The following RARB variants were observed in gnomAD, a reference collection of about 807,000 sequenced individuals.
The protein encoded by RARB is retinoic acid receptor beta.
A neutral mutation model predicts 51.9 loss-of-function variants in RARB; 17 were observed. That is an observed-to-expected ratio of 0.33 (90% CI 0.22 to 0.49). RARB has a LOEUF of 0.49. RARB is among the 20% of genes least tolerant of loss of function. The pLI, the probability that RARB is intolerant of heterozygous loss-of-function variation, is 0.99. For synonymous variants in RARB, 215 were observed against 195.4 expected (o/e 1.10, Z -0.84); for missense variants, 369 against 550.8 (o/e 0.67, Z 3.30).
At chr3:24,963,471 G>C (rs913014629) in intron 2 of RARB, among the ~76,000 whole-genome samples, 2 of 146,004 alleles carry the variant, frequency 1.4e-5, no homozygotes, top group African/African-American at 5.1e-5. Flanking sequence ...TGCTTGCTTT[G>C]GTCTTACTCT....
intron 4 of RARB, among the ~76,000 whole-genome samples, chr3:25,155,224 C>G (rs2125343310): frequency 6.6e-6 from 1 of 152,140 alleles, no homozygotes; most frequent in East Asian, 1.9e-4. Flanking sequence ...TCTGTTCTGT[C>G]ATGTCTTTTC....
chr3:25,271,023 A>T (rs959533723), intron 5 of RARB, among the ~76,000 whole-genome samples: 15 of 148,450 alleles, frequency 1.0e-4, no homozygotes, highest in African/African-American at 3.6e-4. Context: ...TAAGTACATC[A>T]CTCATTCCAG....
intron 1 of RARB, among the ~76,000 whole-genome samples, chr3:25,457,294 C>G (rs1281947432): frequency 6.6e-6 from 1 of 152,142 alleles, no homozygotes; most frequent in Non-Finnish European, 1.5e-5. Context: ...GGATTATGTA[C>G]TATCATTGCC....
intron 2 of RARB, among the ~76,000 whole-genome samples, chr3:25,058,764 T>G (rs1368172906): frequency 6.6e-6 from 1 of 151,734 alleles, no homozygotes; most frequent in East Asian, 1.9e-4. Context: ...TGTTATTGGA[T>G]TCCATTAAAA....
chr3:25,203,570 T>C (rs950564928), intron 5 of RARB, among the ~76,000 whole-genome samples: 19 of 152,220 alleles, frequency 1.2e-4, no homozygotes, highest in African/African-American at 1.7e-4. Flanking sequence ...TGGCTGGTAC[T>C]GGTTGTTCCT....
At position 25,569,936 on chromosome 3, in the gene RARB, C is replaced by T; in HGVS notation, c.609+18C>T. On this transcript the variant is annotated intron_variant, in intron 4 of 7. Transcript: ENST00000330688. ...ACACCACGGTAAGAGATACTCCTGC[C>T]CCAGGCTGCTGGGAGTGTGGAAACC... 2.5e-6 allele frequency: 4 copies of T among 1,610,282 alleles called. No individual in the cohort carries two copies. The highest frequency in any genetic ancestry group is 3.4e-6 in the Non-Finnish European group (4 of 1,177,978).
At chr3:25,589,502 A>G (rs1701530558) in intron 5 of RARB, among the ~76,000 whole-genome samples, 1 of 152,234 alleles carries the variant, frequency 6.6e-6, no homozygotes, top group African/African-American at 2.4e-5. Flanking sequence ...GAGCAGGAAT[A>G]GAAATGAAGG....
intron 5 of RARB, among the ~76,000 whole-genome samples, chr3:25,240,107 G>A (rs1575246957): frequency 2.0e-5 from 3 of 150,888 alleles, no homozygotes; most frequent in Non-Finnish European, 4.4e-5. Flanking sequence ...CTTGTAAATG[G>A]GATTGCATTC....
At chr3:25,017,630 A>G (rs952884093) in intron 2 of RARB, among the ~76,000 whole-genome samples, 3 of 152,228 alleles carry the variant, frequency 2.0e-5, no homozygotes, top group Admixed American at 2.0e-4. Flanking sequence ...GGAAACAGGA[A>G]GACAGCTTGT....
intron 2 of RARB, among the ~76,000 whole-genome samples, chr3:24,945,955 A>G (rs1018904941): frequency 6.6e-6 from 1 of 152,178 alleles, no homozygotes; most frequent in African/African-American, 2.4e-5. Flanking sequence ...GTCTCAAACT[A>G]TCTTATAGTG....
intron 3 of RARB, among the ~76,000 whole-genome samples, chr3:25,063,108 G>T (rs916905210): frequency 3.9e-5 from 6 of 151,956 alleles, no homozygotes; most frequent in Non-Finnish European, 8.8e-5. Flanking sequence ...CAGTGCTTCA[G>T]TTGTCTGGAG....
At chr3:24,888,668 G>A (rs1391810887) in intron 2 of RARB, among the ~76,000 whole-genome samples, 1 of 152,036 alleles carries the variant, frequency 6.6e-6, no homozygotes, top group Admixed American at 6.6e-5. Context: ...CATAATGTTA[G>A]CTTAGTATTT....
intron 3 of RARB, among the ~76,000 whole-genome samples, 190 bp downstream of exon 3, chr3:25,501,513 A>C (rs1456630491): frequency 1.3e-5 from 2 of 152,208 alleles, no homozygotes; most frequent in Non-Finnish European, 2.9e-5. Context: ...AGTTGGTGGA[A>C]AGGCAGGAGT....
intron 2 of RARB, among the ~76,000 whole-genome samples, chr3:24,895,392 A>G (rs1265882137): frequency 6.6e-6 from 1 of 152,210 alleles, no homozygotes; most frequent in Admixed American, 6.5e-5. Flanking sequence ...GTTAAAACAC[A>G]GACTACTTGG....
chr3:24,980,059 T>C (rs1281930621), intron 2 of RARB, among the ~76,000 whole-genome samples: 3 of 152,196 alleles, frequency 2.0e-5, no homozygotes, highest in African/African-American at 4.8e-5. Flanking sequence ...AAATTCTAGG[T>C]TGAAAATTCT....
intron 2 of RARB, among the ~76,000 whole-genome samples, chr3:24,860,882 C>CA (rs1702737767): frequency 6.6e-6 from 1 of 152,136 alleles, no homozygotes; most frequent in African/African-American, 2.4e-5. Context: ...ATACTAATGA[C>CA]TTAGTATACA....
intron 5 of RARB, among the ~76,000 whole-genome samples, chr3:25,216,583 G>T (rs945980426): frequency 1.6e-4 from 25 of 151,974 alleles, no homozygotes; most frequent in African/African-American, 6.0e-4. Flanking sequence ...GGGCCTATTG[G>T]GGGGTGGGGG....
At position 25,410,372 on chromosome 3, in the gene RARB, C is replaced by T. The variant is rs150887641; in HGVS notation, c.179-50821C>T. On this transcript the variant is annotated intron_variant, in intron 5 of 11. Coordinates refer to the RARB transcript ENST00000383772. ...CTGGCAGCAGAATAAATGTTAGGAACATATTGCCGTGTCCTTTAGTTCTCA... is the reference window on the plus strand; with the variant it reads ...CTGGCAGCAGAATAAATGTTAGGAATATATTGCCGTGTCCTTTAGTTCTCA... 4.4e-3 allele frequency among the ~76,000 whole-genome samples: 672 copies of T among 152,300 alleles called. 7 individuals carry two copies. The highest frequency in any genetic ancestry group is 0.016 in the African/African-American group (648 of 41,552).
intron 3 of RARB, among the ~76,000 whole-genome samples, chr3:25,567,956 C>A (rs1171042954): frequency 6.6e-6 from 1 of 152,192 alleles, no homozygotes; most frequent in East Asian, 1.9e-4. Context: ...CCCTTTCCCC[C>A]TCATTGTGTC....
Sources: allele counts gnomAD v4.1 joint callset (sites outside exome capture counted in the v4.1 genomes callset), GRCh38; gene constraint gnomAD v4.1.1; transcripts MANE v1.5; gene names NCBI Gene and HGNC (gene_info 2026-07-23, HGNC 2026-07-21).